The following COL17A1 variants were observed in gnomAD, a reference collection of about 807,000 sequenced individuals.
COL17A1 encodes collagen alpha-1(XVII) chain.
In COL17A1, 181 loss-of-function variants were observed where a neutral mutation model predicts 218.4. The ratio of observed to expected loss-of-function variants is 0.83; its 90% CI spans 0.73 to 0.94. The LOEUF (loss-of-function observed/expected upper bound fraction) is 0.94. COL17A1 is among the 40% of genes least tolerant of loss of function. COL17A1 has a pLI of 0.00. For synonymous variants in COL17A1, 721 were observed against 731.0 expected (o/e 0.99, Z 0.22); for missense variants, 1,924 against 1,945.9 (o/e 0.99, Z 0.21).
Position 104,040,414 on chromosome 10 carries a change from C to T in COL17A1, c.2702-4G>A, listed in dbSNP as rs369402357. On this transcript the variant is annotated splice_region_variant and splice_polypyrimidine_tract_variant and intron_variant, in intron 39 of 55. Coordinates refer to ENST00000648076, the MANE Select transcript of COL17A1 (RefSeq NM_000494.4). The stretch of plus-strand genomic sequence containing the variant: ...GGGGGGCCGGAGAGGAAGGTTTCTG[C>T]AGAGGAAGGAAATAGTTTGAGTATG... 1.2e-6 allele frequency: 2 copies of T among 1,605,022 alleles called. No homozygotes were observed. The highest frequency in any genetic ancestry group is 1.7e-5 in the Admixed American group (1 of 59,986).
chr10:104,059,429 G>A (rs1298408847), intron 15 of COL17A1: 2 of 609,538 alleles, frequency 3.3e-6, no homozygotes, highest in Admixed American at 2.7e-5. Flanking sequence ...TAATGCAAAT[G>A]CAAATCACCT....
At chr10:104,055,250 T>A in intron 19 of COL17A1, 122 bp downstream of exon 19, 1 of 1,538,212 alleles carries the variant, frequency 6.5e-7, no homozygotes, top group South Asian at 1.1e-5. Context: ...ACAGATACCA[T>A]AAGATCATTC....
chr10:104,035,267 T>A lies in COL17A1; in HGVS notation c.3615A>T (p.Leu1205Phe). 1 of 1,612,584 alleles carries A rather than the reference T, an allele frequency of 6.2e-7. No homozygotes were observed. The change falls in exon 50 of 56, where the codon TTA becomes TTT. Residue 1205 changes from leucine to phenylalanine, a missense_variant. Leu to Phe is a conservative substitution (Grantham distance 22). Coordinates refer to ENST00000648076, the MANE Select transcript of COL17A1 (RefSeq NM_000494.4). Reference sequence around the variant, plus strand: ...TCCCACTCCACAGTGCCCTACTATGTAAGTAAGACGAGAGGTCCTCCACGC... The same window carrying A: ...TCCCACTCCACAGTGCCCTACTATGAAAGTAAGACGAGAGGTCCTCCACGC... ...SISVEDLSSYLHTAGLSFIPG... is the reference protein window; with the variant it reads ...SISVEDLSSYFHTAGLSFIPG...
rs1213789034 is a variant in COL17A1, at chr10:104,041,466, A to G, written c.2605+19T>C. On this transcript the variant is annotated intron_variant, in intron 37 of 55. Transcript: ENST00000648076. ...GTCCCCCAAACTCCCCACCTTCCAA[A>G]GGTCTCCAAGATACTCACCTGGTGG... 1.1e-5 allele frequency: 18 copies of G among 1,610,084 alleles called. No homozygotes were observed. The highest frequency in any genetic ancestry group is 1.4e-5 in the Non-Finnish European group (16 of 1,177,970).
intron 29 of COL17A1, 26 bp downstream of exon 29, chr10:104,049,383 T>C: frequency 6.2e-7 from 1 of 1,612,630 alleles, no homozygotes; most frequent in South Asian, 1.1e-5. Flanking sequence ...GGGAACTCAC[T>C]GAATCCATTC....
chr10:104,049,941 T>C, intron 28 of COL17A1, 148 bp downstream of exon 28: 1 of 1,278,396 alleles, frequency 7.8e-7, no homozygotes, highest in South Asian at 1.3e-5. Flanking sequence ...GGCTTTATTT[T>C]CTCATCTTGT....
At position 104,034,099 on chromosome 10, in the gene COL17A1, CCT is replaced by C. The variant is rs1279680398; in HGVS notation, c.4000_4001del (p.Arg1334GlyfsTer6). On this transcript the variant is annotated frameshift_variant, in exon 52 of 56. Coordinates refer to ENST00000648076, the MANE Select transcript of COL17A1 (RefSeq NM_000494.4). LOFTEE classifies it high-confidence loss of function. The stretch of plus-strand genomic sequence containing the variant: ...GGCCGATGTCAGTGCCATAGGGACC[CCT>C]GTCTCCTGCAGCTTCACCAAAGGCA... ...GGAFGEAAGD[R>X]GPYGTDIGPG... The C allele has an allele frequency of 4.3e-6, 7 of 1,614,000 alleles. No individual in the cohort carries two copies. The Admixed American group carries it at 5.0e-5, about 12-fold the overall frequency.
At chr10:104,064,645 C>T in intron 9 of COL17A1, 49 bp from the exon 10 acceptor site, 1 of 1,536,656 alleles carries the variant, frequency 6.5e-7, no homozygotes, top group East Asian at 2.3e-5. Context: ...AATCAACACT[C>T]CCTGCTGGGG....
chr10:104,055,469 C>CAT, intron 18 of COL17A1, 68 bp from the exon 19 acceptor site: 1 of 1,490,844 alleles, frequency 6.7e-7, no homozygotes, highest in Non-Finnish European at 9.3e-7. Context: ...CACACACACA[C>CAT]ACACACACAC....
chr10:104,058,820 G>C lies in COL17A1; in HGVS notation c.1223-630C>G, dbSNP rs1215632085. ...GTGGTGGCACATGACTGTAGTCCCAGCTACTTGGGAGGCTGAGGCAGGAGA... is the reference window on the plus strand; with the variant it reads ...GTGGTGGCACATGACTGTAGTCCCACCTACTTGGGAGGCTGAGGCAGGAGA... On this transcript the variant is annotated intron_variant, in intron 15 of 55. Coordinates refer to ENST00000648076, the MANE Select transcript of COL17A1 (RefSeq NM_000494.4). Among the ~76,000 whole-genome samples, 5 of 152,142 alleles carry C rather than the reference G, an allele frequency of 3.3e-5. No individual in the cohort carries two copies. The East Asian group carries it at 9.7e-4, about 29-fold the overall frequency.
rs138330876 is a variant in COL17A1, at chr10:104,069,865, C to T, written c.607+561G>A. ...GGTCCTAACCACTGAAACGTGACAA[C>T]GAACAGCTAAACGAGGGTGAACTCA... On this transcript the variant is annotated intron_variant, in intron 9 of 55. Transcript: ENST00000648076. 4.4e-4 allele frequency among the ~76,000 whole-genome samples: 67 copies of T among 151,838 alleles called. No homozygotes were observed. In the East Asian group the frequency reaches 0.012, roughly 28 times the overall value.
chr10:104,034,752 A>G lies in COL17A1; in HGVS notation c.3635T>C (p.Phe1212Ser). The stretch of plus-strand genomic sequence containing the variant: ...AGGAGGTCCTGGAGGGCCTGGGATG[A>G]ATGACAAGCCGGCAGCTGGGCAGAA... ...SSYLHTAGLS[F>S]IPGPPGPPGP... The change falls in exon 51 of 56, where the codon TTC becomes TCC. Residue 1212 changes from phenylalanine (F) to serine (S), a missense_variant. By Grantham distance (155) the Phe-to-Ser change is radical. Coordinates refer to ENST00000648076, the MANE Select transcript of COL17A1 (RefSeq NM_000494.4). The G allele has an allele frequency of 6.2e-7, 1 of 1,612,588 alleles. No individual in the cohort carries two copies. The highest frequency in any genetic ancestry group is 1.1e-5 in the South Asian group (1 of 90,596).
At position 104,080,607 on chromosome 10, in the gene COL17A1, T is replaced by A; in HGVS notation, c.52+15A>T. ...ATAATAAAACACATAAATTAAAAAA[T>A]TCTGATGCTCTTACTTCTCTCAGTG... On this transcript the variant is annotated intron_variant, in intron 2 of 55. Transcript: ENST00000648076. 1 of 1,611,806 alleles carries A rather than the reference T, an allele frequency of 6.2e-7. No individual in the cohort carries two copies. Among genetic ancestry groups the A allele is most frequent in the Non-Finnish European group, 8.5e-7 (1 of 1,179,862 alleles).
At chr10:104,074,642 A>G (rs1212180464) in intron 5 of COL17A1, among the ~76,000 whole-genome samples, 1 of 152,210 alleles carries the variant, frequency 6.6e-6, no homozygotes, top group Non-Finnish European at 1.5e-5. Context: ...ACGTGGACCC[A>G]GTTAAAATGA....
chr10:104,065,630 C>G, intron 9 of COL17A1, among the ~76,000 whole-genome samples: 1 of 152,180 alleles, frequency 6.6e-6, no homozygotes, highest in East Asian at 1.9e-4. Flanking sequence ...TACACATTTC[C>G]CCAGTATTCT....
rs1057041926 is a variant in COL17A1 at position 104,031,884 on chromosome 10, A to G, written c.*351T>C. 5.4e-5 allele frequency: 19 copies of G among 348,744 alleles called. No individual in the cohort carries two copies. Among genetic ancestry groups the G allele is most frequent in the Admixed American group, 2.5e-4 (6 of 23,962 alleles). 21.6% of individuals were successfully genotyped at this position (348,744 alleles called of 1,614,324 possible). A position where few individuals can be genotyped will look rare whatever the true frequency, so the allele number is the denominator to read the frequency against. ...GTTTTCTGGGCTCATATTTAGGTAA[A>G]GCTCTAAGACTCCTGAGCCAACTTT... On this transcript the variant is annotated 3_prime_UTR_variant, in exon 56 of 56. Coordinates refer to ENST00000648076, the MANE Select transcript of COL17A1 (RefSeq NM_000494.4).
At position 104,059,655 on chromosome 10, in the gene COL17A1, A is replaced by C; in HGVS notation, c.1205T>G (p.Leu402Arg). ...KQAAYNADSG[L>R]KAEANGDLKT... ...GTTCTTACCATTAGCTTCGGCTTTT[A>C]GGCCTGAGTCAGCATTGTAGGCAGC... The change falls in exon 15 of 56, where the codon CTA becomes CGA. Residue 402 changes from leucine to arginine, a missense_variant. Transcript: ENST00000648076. 1 of 1,614,194 alleles carries C rather than the reference A, an allele frequency of 6.2e-7. No individual in the cohort carries two copies. The highest frequency in any genetic ancestry group is 1.3e-5 in the African/African-American group (1 of 75,066).
At chr10:104,032,313 G>C (rs1452395882) in intron 55 of COL17A1, 23 bp from the exon 56 acceptor site, 1 of 1,609,690 alleles carries the variant, frequency 6.2e-7, no homozygotes. Context: ...AGATCAGTAG[G>C]AAGTTAAAAC....
At chr10:104,046,564 T>C (rs1342283087) in intron 32 of COL17A1, among the ~76,000 whole-genome samples, 183 bp downstream of exon 32, 1 of 152,214 alleles carries the variant, frequency 6.6e-6, no homozygotes, top group Non-Finnish European at 1.5e-5. Context: ...AATGGTGTTC[T>C]AGATTGTTCT....
Sources: gnomAD v4.1 joint callset for allele counts (sites outside exome capture counted in the v4.1 genomes callset) on GRCh38, gnomAD v4.1.1 for gene constraint, MANE v1.5 for transcripts, NCBI Gene and HGNC (gene_info 2026-07-23, HGNC 2026-07-21) for gene names.